DIP2C: variants seen among roughly 807,000 people sequenced by gnomAD.
DIP2C encodes the protein disco-interacting protein 2 homolog C.
In DIP2C, 33 loss-of-function variants were observed where a neutral mutation model predicts 192.4. The observed-to-expected ratio is 0.17, with a 90% CI of 0.13 to 0.23. The LOEUF (loss-of-function observed/expected upper bound fraction) is 0.23. Among genes scored for constraint, DIP2C ranks in the 10% least tolerant of loss-of-function variants. DIP2C has a pLI of 1.00. For synonymous variants in DIP2C, 979 were observed against 864.1 expected (o/e 1.13, Z -2.33); for missense variants, 1,537 against 2,110.1 (o/e 0.73, Z 5.32).
At chr10:432,469 T>A (rs1328472477) in intron 4 of DIP2C, among the ~76,000 whole-genome samples, 1 of 152,346 alleles carries the variant, frequency 6.6e-6, no homozygotes, top group East Asian at 1.9e-4. Flanking sequence ...TTTGTGGCCA[T>A]AGAGTTTTTC....
intron 14 of DIP2C, among the ~76,000 whole-genome samples, chr10:387,496 C>CG (rs911456981): frequency 4.0e-4 from 28 of 70,038 alleles, no homozygotes; most frequent in Admixed American, 1.2e-3. Flanking sequence ...GTGCGGGCGG[C>CG]GGGGGGGCGA....
Position 348,713 on chromosome 10 carries a change from C to T in DIP2C, c.3159G>A (p.Val1053=), listed in dbSNP as rs1274120700. ...GGTGCGGGGGACGGACGGTTATTGG[C>T]ACACAGCCTGCGTACAGGCAACCAT... ...AFYGCLYAGC[V]PITVRPPHPQ... is the part of the protein sequence containing the mutation. The change falls in exon 26 of 37, where the codon GTG becomes GTA. Residue 1053 remains valine (V), a synonymous_variant. Coordinates refer to ENST00000280886, the MANE Select transcript of DIP2C (RefSeq NM_014974.3). 26 of 1,613,958 alleles carry T rather than the reference C, an allele frequency of 1.6e-5. No homozygotes were observed. The highest frequency in any genetic ancestry group is 2.2e-5 in the Non-Finnish European group (26 of 1,179,972).
Position 652,379 on chromosome 10 carries a change from G to C in DIP2C, c.85+37115C>G, listed in dbSNP as rs781577663. 4 of 176,560 alleles carry C rather than the reference G, an allele frequency of 2.3e-5. No homozygotes were observed. The highest frequency in any genetic ancestry group is 3.7e-5 in the Non-Finnish European group (3 of 81,370). The allele number at this position is 176,560 out of a possible 1,614,324, so 10.9% of individuals were successfully genotyped here. A position where few individuals can be genotyped will look rare whatever the true frequency, so the allele number is the denominator to read the frequency against. On this transcript the variant is annotated intron_variant, in intron 1 of 36. Coordinates refer to ENST00000280886, the MANE Select transcript of DIP2C (RefSeq NM_014974.3). The surrounding 1 kb of genome is among the most constrained non-coding windows in gnomAD (Gnocchi z 4.5). The stretch of plus-strand genomic sequence containing the variant: ...GAGAACTGAGTTCCAGTCCCGGGGT[G>C]GGGTGGCGGGGGGGCGCACTGTGCA...
intron 4 of DIP2C, among the ~76,000 whole-genome samples, chr10:424,205 C>G (rs1047924758): frequency 2.6e-5 from 4 of 152,006 alleles, no homozygotes; most frequent in Non-Finnish European, 5.9e-5. Flanking sequence ...TCTTAAGACA[C>G]GGGTTTGTTT....
intron 22 of DIP2C, 64 bp downstream of exon 22, chr10:362,426 C>T: frequency 6.4e-7 from 1 of 1,565,244 alleles, no homozygotes; most frequent in Non-Finnish European, 8.7e-7. Flanking sequence ...TCCCGCACCT[C>T]CCAGTGCCGT....
chr10:516,238 T>G (rs921177875), intron 1 of DIP2C, among the ~76,000 whole-genome samples: 2 of 129,570 alleles, frequency 1.5e-5, no homozygotes, highest in Non-Finnish European at 3.2e-5. Flanking sequence ...TTCCAAAATG[T>G]TCCCACGTTT....
intron 1 of DIP2C, among the ~76,000 whole-genome samples, chr10:512,631 G>A (rs1846088463): frequency 1.3e-5 from 2 of 151,920 alleles, no homozygotes; most frequent in African/African-American, 2.4e-5. Flanking sequence ...ATAGAAAGGA[G>A]CTGGCCGGGC....
At chr10:504,830 C>T (rs547514347) in intron 1 of DIP2C, among the ~76,000 whole-genome samples, 2 of 152,328 alleles carry the variant, frequency 1.3e-5, no homozygotes, top group South Asian at 4.1e-4. Flanking sequence ...ATGGCTGCAT[C>T]ACGGCTTTCA....
rs753751901 is a variant in DIP2C, at chr10:277,310, A to G, written c.*15T>C. On this transcript the variant is annotated 3_prime_UTR_variant, in exon 37 of 37. Transcript: ENST00000280886. Reference sequence around the variant, plus strand: ...CTACATCTCTAGAAAAGTCCATGGAAGCCAAGAGACGAGACTACATGTTGT... The same window carrying G: ...CTACATCTCTAGAAAAGTCCATGGAGGCCAAGAGACGAGACTACATGTTGT... The G allele has an allele frequency of 2.8e-5, 45 of 1,612,686 alleles. 1 individual carries two copies. The South Asian group carries it at 4.9e-4, about 18-fold the overall frequency.
At chr10:515,957 G>T (rs894897600) in intron 1 of DIP2C, among the ~76,000 whole-genome samples, 1 of 151,996 alleles carries the variant, frequency 6.6e-6, no homozygotes, top group South Asian at 2.1e-4. Context: ...GAGTTTAGCT[G>T]CAGAAAGTGA....
intron 1 of DIP2C, among the ~76,000 whole-genome samples, chr10:643,367 A>G (rs1476764635): frequency 1.3e-5 from 2 of 152,082 alleles, no homozygotes; most frequent in Admixed American, 6.5e-5. Context: ...CAAAAAAATT[A>G]GCCAGGCGTG....
chr10:351,423 CGCCAGG>C (rs896711288), intron 24 of DIP2C, among the ~76,000 whole-genome samples: 6 of 152,282 alleles, frequency 3.9e-5, no homozygotes, highest in African/African-American at 7.2e-5. Flanking sequence ...AGGACCTCTG[CGCCAGG>C]GCCAGGACCA....
intron 8 of DIP2C, among the ~76,000 whole-genome samples, chr10:410,385 C>T (rs1384532036): frequency 1.3e-5 from 2 of 152,184 alleles, no homozygotes; most frequent in Non-Finnish European, 1.5e-5. Context: ...TTCATGTTCC[C>T]TCCTCCTGTC....
chr10:582,819 G>A (rs1438766994), intron 1 of DIP2C, among the ~76,000 whole-genome samples: 2 of 152,138 alleles, frequency 1.3e-5, no homozygotes, highest in African/African-American at 2.4e-5. Context: ...ACACAAAGGG[G>A]CTATGACAAA....
At chr10:308,361 C>T (rs35198327) in intron 32 of DIP2C, among the ~76,000 whole-genome samples, 58,512 of 151,648 alleles carry the variant, frequency 0.39, 13,110 homozygotes, top group Non-Finnish European at 0.51. Context: ...ACTCTCACTT[C>T]CATTTCAGAT....
At chr10:337,408 CTGTG>C (rs1296515709) in intron 29 of DIP2C, among the ~76,000 whole-genome samples, 25 of 112,086 alleles carry the variant, frequency 2.2e-4, no homozygotes, top group East Asian at 9.2e-4. Context: ...GCCTACGTAG[CTGTG>C]TGTGTGTGTT....
chr10:511,720 G>A (rs1282339068), intron 1 of DIP2C, among the ~76,000 whole-genome samples: 3 of 152,102 alleles, frequency 2.0e-5, no homozygotes, highest in Admixed American at 6.5e-5. Flanking sequence ...TGGCGGCTCC[G>A]AGCTCTCTTC....
chr10:564,069 G>C (rs1172781673), intron 1 of DIP2C, among the ~76,000 whole-genome samples: 1 of 152,228 alleles, frequency 6.6e-6, no homozygotes, highest in Non-Finnish European at 1.5e-5. Context: ...AATCTGCTAA[G>C]ATGTGTCATA....
intron 33 of DIP2C, among the ~76,000 whole-genome samples, chr10:287,515 T>A (rs1331398541): frequency 6.6e-6 from 1 of 152,058 alleles, no homozygotes; most frequent in Non-Finnish European, 1.5e-5. Context: ...CGCCAGACTG[T>A]TAGGATGGAT....
Sources: allele counts gnomAD v4.1 joint callset (sites outside exome capture counted in the v4.1 genomes callset), GRCh38; gene constraint gnomAD v4.1.1; non-coding constraint Gnocchi (gnomAD v3.1); transcripts MANE v1.5; gene names NCBI Gene and HGNC (gene_info 2026-07-23, HGNC 2026-07-21).